Variants in BTBD9 observed in about 807,000 individuals in gnomAD.
BTBD9 encodes BTB domain containing 9.
A neutral mutation model predicts 64.3 loss-of-function variants in BTBD9; 49 were observed. The observed-to-expected ratio is 0.76, with a 90% CI of 0.61 to 0.97. The LOEUF (loss-of-function observed/expected upper bound fraction) is 0.97, where lower values mean the gene tolerates loss of function less well. Among genes scored for constraint, BTBD9 ranks in the 50% least tolerant of loss-of-function variants. BTBD9 has a pLI of 0.00. For synonymous variants in BTBD9, 260 were observed against 274.7 expected, an observed-to-expected ratio of 0.95 and a Z score of 0.53; for missense variants, 598 against 762.1, an observed-to-expected ratio of 0.78 and a Z score of 2.53.
At chr6:38,205,293 T>C (rs921700410) in intron 9 of BTBD9, among the ~76,000 whole-genome samples, 4 of 152,126 alleles carry the variant, frequency 2.6e-5, no homozygotes, top group East Asian at 3.8e-4. Flanking sequence ...TTAAGAAACT[T>C]TGGAAGATCT....
At chr6:38,639,568 C>T (rs112577554) in intron 1 of BTBD9, among the ~76,000 whole-genome samples, 280 of 152,316 alleles carry the variant, frequency 1.8e-3, no homozygotes, top group African/African-American at 6.3e-3. Flanking sequence ...ATCCCCGAAA[C>T]GTCTACTTCC....
At position 38,169,816 on chromosome 6, in the gene BTBD9, C is replaced by T. The variant is rs1766679514; in HGVS notation, c.*5169G>A. ...TACTCACGGACGCAAATGGTAAATG[C>T]TCCCAGACATTTATCATAAATTACA... On this transcript the variant is annotated 3_prime_UTR_variant, in exon 11 of 11. Coordinates refer to ENST00000481247, the MANE Select transcript of BTBD9 (RefSeq NM_001099272.2). The T allele has an allele frequency of 7.2e-6, 1 of 139,682 alleles. No individual in the cohort carries two copies. Among genetic ancestry groups the T allele is most frequent in the Admixed American group, 7.8e-5 (1 of 12,854 alleles). 8.7% of individuals were successfully genotyped at this position (139,682 alleles called of 1,614,324 possible). A position where few individuals can be genotyped will look rare whatever the true frequency, so the allele number is the denominator to read the frequency against.
intron 6 of BTBD9, among the ~76,000 whole-genome samples, chr6:38,445,625 T>TA (rs531455987): frequency 1.5e-4 from 23 of 152,278 alleles, no homozygotes; most frequent in African/African-American, 5.1e-4. Context: ...ATAGACTTGT[T>TA]AAAAAAATAT....
chr6:38,255,700 G>A (rs903649630), intron 9 of BTBD9, among the ~76,000 whole-genome samples: 5 of 152,164 alleles, frequency 3.3e-5, no homozygotes, highest in African/African-American at 1.2e-4. Flanking sequence ...CATAGTTAAC[G>A]AGATGAGATA....
intron 6 of BTBD9, among the ~76,000 whole-genome samples, chr6:38,540,852 A>T (rs1562315696): frequency 6.6e-6 from 1 of 152,238 alleles, no homozygotes; most frequent in Non-Finnish European, 1.5e-5. Flanking sequence ...ACATAAAATC[A>T]CTACTCTGAA....
intron 8 of BTBD9, among the ~76,000 whole-genome samples, chr6:38,264,080 C>T (rs1454794670): frequency 6.6e-6 from 1 of 152,084 alleles, no homozygotes; most frequent in African/African-American, 2.4e-5. Context: ...AAACGGAGAG[C>T]GGTAAGACTG....
At chr6:38,279,396 T>G (rs1354563090) in intron 8 of BTBD9, among the ~76,000 whole-genome samples, 1 of 152,196 alleles carries the variant, frequency 6.6e-6, no homozygotes. Flanking sequence ...GGGGAAAGAA[T>G]AAGAAGATTT....
chr6:38,618,213 A>G (rs781132401), intron 1 of BTBD9, among the ~76,000 whole-genome samples: 1 of 152,222 alleles, frequency 6.6e-6, no homozygotes, highest in Non-Finnish European at 1.5e-5. Context: ...TTTGACCCGC[A>G]AAACCTGAAA....
intron 8 of BTBD9, among the ~76,000 whole-genome samples, chr6:38,276,283 G>A (rs1399829123): frequency 2.0e-5 from 3 of 151,128 alleles, no homozygotes; most frequent in Non-Finnish European, 4.4e-5. Context: ...CTCACTCATA[G>A]GTGGGAATTG....
intron 7 of BTBD9, among the ~76,000 whole-genome samples, chr6:38,332,905 T>C (rs1043070104): frequency 6.6e-6 from 1 of 152,244 alleles, no homozygotes; most frequent in African/African-American, 2.4e-5. Flanking sequence ...GCATTTGTTG[T>C]TTGTGGGAGA....
intron 6 of BTBD9, among the ~76,000 whole-genome samples, chr6:38,471,928 T>C (rs148593869): frequency 2.0e-5 from 3 of 152,182 alleles, no homozygotes; most frequent in Admixed American, 1.3e-4. Flanking sequence ...CTCTTTTGAG[T>C]TGAATATATT....
chr6:38,300,020 G>C (rs1762325255), intron 7 of BTBD9, among the ~76,000 whole-genome samples: 1 of 152,140 alleles, frequency 6.6e-6, no homozygotes, highest in Admixed American at 6.5e-5. Flanking sequence ...AATCCATCTT[G>C]AATTAATTTT....
intron 6 of BTBD9, among the ~76,000 whole-genome samples, chr6:38,560,576 A>AT (rs1320224228): frequency 6.6e-6 from 1 of 151,788 alleles, no homozygotes; most frequent in Admixed American, 6.6e-5. Flanking sequence ...TTTGAAATTT[A>AT]TTTTTTTTAA....
intron 10 of BTBD9, 91 bp from the exon 11 acceptor site, chr6:38,175,273 T>TG (rs1766950840): frequency 7.3e-7 from 1 of 1,368,438 alleles, no homozygotes; most frequent in Admixed American, 1.9e-5. Context: ...TGCCCAGCTT[T>TG]GGGGGCCACC....
intron 1 of BTBD9, among the ~76,000 whole-genome samples, chr6:38,630,318 G>A (rs1382591664): frequency 6.6e-6 from 1 of 151,700 alleles, no homozygotes; most frequent in Non-Finnish European, 1.5e-5. Context: ...TGTTTTTGTT[G>A]CTCTAAAGGG....
intron 9 of BTBD9, among the ~76,000 whole-genome samples, chr6:38,214,003 C>A (rs375722583): frequency 4.2e-5 from 3 of 71,748 alleles, no homozygotes; most frequent in Non-Finnish European, 5.6e-5. Context: ...CTCAAATAAA[C>A]AAACAAAAAT....
At chr6:38,541,029 G>C (rs1774243295) in intron 6 of BTBD9, among the ~76,000 whole-genome samples, 1 of 152,138 alleles carries the variant, frequency 6.6e-6, no homozygotes, top group African/African-American at 2.4e-5. Context: ...AGGACATCAA[G>C]TCAAGAAAAC....
At chr6:38,345,538 G>A (rs752963017) in intron 6 of BTBD9, among the ~76,000 whole-genome samples, 3 of 152,222 alleles carry the variant, frequency 2.0e-5, no homozygotes, top group Non-Finnish European at 2.9e-5. Context: ...ATGAACACAC[G>A]AAATCAATAT....
chr6:38,331,927 T>G (rs1015040803), intron 7 of BTBD9, among the ~76,000 whole-genome samples: 2 of 152,236 alleles, frequency 1.3e-5, no homozygotes, highest in Admixed American at 6.5e-5. Flanking sequence ...GAGACATGAC[T>G]TTGTCTTATT....
Sources: gnomAD v4.1 joint callset for allele counts (sites outside exome capture counted in the v4.1 genomes callset) on GRCh38, gnomAD v4.1.1 for gene constraint, MANE v1.5 for transcripts, NCBI Gene and HGNC (gene_info 2026-07-23, HGNC 2026-07-21) for gene names.